The following BAZ2A variants were observed in gnomAD, a reference collection of about 807,000 sequenced individuals.
BAZ2A encodes bromodomain adjacent to zinc finger domain 2A, also known as bromodomain adjacent to zinc finger domain protein 2A.
A neutral mutation model predicts 199.9 loss-of-function variants in BAZ2A; 34 were observed. The observed-to-expected ratio is 0.17, with a 90% CI of 0.13 to 0.23. BAZ2A has a LOEUF of 0.23. Ranked by LOEUF, BAZ2A falls within the 10% of genes least tolerant of loss-of-function variation. The pLI is 1.00. For synonymous variants in BAZ2A, 857 were observed against 883.9 expected (o/e 0.97, Z 0.54); for missense variants, 2,002 against 2,391.1 (o/e 0.84, Z 3.39).
chr12:56,620,563 CT>C (rs11367195), intron 1 of BAZ2A, among the ~76,000 whole-genome samples: 43,973 of 144,226 alleles, frequency 0.3, 6,827 homozygotes, highest in African/African-American at 0.4. Flanking sequence ...CCAGGATTTC[CT>C]TTTTTTTTTT....
chr12:56,609,167 T>A (rs191307995), intron 10 of BAZ2A, among the ~76,000 whole-genome samples: 1 of 152,096 alleles, frequency 6.6e-6, no homozygotes, highest in Non-Finnish European at 1.5e-5. Context: ...TGTGAGACAC[T>A]GTGCCCGGCC....
chr12:56,599,255 C>T lies in BAZ2A; in HGVS notation c.5276G>A (p.Arg1759His), dbSNP rs757732182. The change falls in exon 27 of 29, where the codon CGC becomes CAC. Residue 1759 changes from arginine to histidine, a missense_variant. Arg to His is a conservative substitution (Grantham distance 29). This residue lies in a region of BAZ2A where 122 missense variants were observed against 123.0 expected (regional missense o/e 0.99). Transcript: ENST00000549884. ...TTCTCGGCCCCTCAACAGTACCCGG[C>T]GTCGGCGGCCATCACCCTCTGAGAA... ...LNFSEGDGRR[R>H]RVLLRGRESP... is the part of the protein sequence containing the mutation. The T allele has an allele frequency of 9.9e-6, 16 of 1,613,128 alleles. No individual in the cohort carries two copies. The highest frequency in any genetic ancestry group is 1.1e-5 in the Non-Finnish European group (13 of 1,179,720).
Position 56,635,524 on chromosome 12 carries a change from ACCT to A in BAZ2A, c.4+655_4+657del, listed in dbSNP as rs563271514. 3.8e-4 allele frequency among the ~76,000 whole-genome samples: 58 copies of A among 151,050 alleles called. No individual in the cohort carries two copies. The South Asian group carries it at 0.011, about 29-fold the overall frequency. On this transcript the variant is annotated intron_variant, in intron 1 of 29. Transcript: ENST00000379441. The surrounding 1 kb of genome is among the most constrained non-coding windows in gnomAD (Gnocchi z 4.1). ...GAATCAGGAAGCCACGAAGGCAAAA[ACCT>A]CCTATCCTCTCAACCTCAATCCTGC...
chr12:56,612,183 G>A lies in BAZ2A; in HGVS notation c.1199C>T (p.Ser400Leu). ...CTGGGTCAGGGATGGTGGGAAGTCTGAAGATTGAGTTTCCATTTCTTCCTG... is the reference window on the plus strand; with the variant it reads ...CTGGGTCAGGGATGGTGGGAAGTCTAAAGATTGAGTTTCCATTTCTTCCTG... ...AEQEEMETQS[S>L]DFPPSLTQPA... Residue 400 changes from serine to leucine, a missense_variant, in exon 6 of 29, where the codon TCA (serine) becomes TTA (leucine). Ser to Leu is a moderately radical substitution (Grantham distance 145, BLOSUM62 -2). This residue lies in a region of BAZ2A where 641 missense variants were observed against 694.5 expected (regional missense o/e 0.92). Transcript: ENST00000549884. 1.2e-6 allele frequency: 2 copies of A among 1,613,800 alleles called. No homozygotes were observed. The highest frequency in any genetic ancestry group is 1.7e-6 in the Non-Finnish European group (2 of 1,179,866).
At chr12:56,609,280 T>C (rs1950482022) in intron 10 of BAZ2A, among the ~76,000 whole-genome samples, 1 of 150,578 alleles carries the variant, frequency 6.6e-6, no homozygotes, top group African/African-American at 2.4e-5. Flanking sequence ...GCTCAAGTGA[T>C]CCTCTGCTGC....
intron 28 of BAZ2A, 35 bp from the exon 29 acceptor site, chr12:56,598,818 AG>A (rs1886096561): frequency 6.2e-7 from 1 of 1,609,632 alleles, no homozygotes; most frequent in Non-Finnish European, 8.5e-7. Flanking sequence ...TGAGCTGGGT[AG>A]GAGTTGCAGC....
intron 16 of BAZ2A, among the ~76,000 whole-genome samples, 161 bp downstream of exon 16, chr12:56,604,056 C>G (rs1264261083): frequency 6.6e-6 from 1 of 151,988 alleles, no homozygotes; most frequent in African/African-American, 2.4e-5. Context: ...CATGATAGTG[C>G]CACAAAAGAA....
At chr12:56,608,031 G>A (rs1214803833) in intron 10 of BAZ2A, among the ~76,000 whole-genome samples, 5 of 149,318 alleles carry the variant, frequency 3.3e-5, no homozygotes, top group Admixed American at 6.7e-5. Context: ...CCAAGATCGC[G>A]CCATTGCACT....
At chr12:56,610,753 A>G (rs757891516) in intron 7 of BAZ2A, among the ~76,000 whole-genome samples, 1 of 152,170 alleles carries the variant, frequency 6.6e-6, no homozygotes, top group Non-Finnish European at 1.5e-5. Flanking sequence ...AAGCTCAGAG[A>G]GATCTCCATC....
chr12:56,617,440 G>C lies in BAZ2A; in HGVS notation c.91C>G (p.Leu31Val). 6.2e-7 allele frequency: 1 copy of C among 1,606,280 alleles called. No individual in the cohort carries two copies. Among genetic ancestry groups the C allele is most frequent in the Non-Finnish European group, 8.5e-7 (1 of 1,176,544 alleles). The change falls in exon 2 of 29, where the codon CTC becomes GTC. Residue 31 changes from leucine to valine, a missense_variant. Leu to Val is a conservative substitution (Grantham distance 32). Coordinates refer to ENST00000549884, the MANE Select transcript of BAZ2A (RefSeq NM_001300905.2). ...LKPSPSSGEG[L>V]YTNGSPMNFP... Reference sequence around the variant, plus strand: ...TTCATGGGAGACCCGTTAGTGTAGAGGCCCTCCCCTGAGGAAGGAGAGGGT... The same window carrying C: ...TTCATGGGAGACCCGTTAGTGTAGACGCCCTCCCCTGAGGAAGGAGAGGGT...
intron 10 of BAZ2A, 42 bp downstream of exon 10, chr12:56,609,694 C>A (rs775316628): frequency 5.7e-6 from 9 of 1,574,424 alleles, no homozygotes; most frequent in Non-Finnish European, 7.0e-6. Context: ...TTAGATACCT[C>A]ATGGAGGGAG....
chr12:56,632,526 CG>C (rs1037540428), upstream of BAZ2A, among the ~76,000 whole-genome samples: 3 of 152,136 alleles, frequency 2.0e-5, no homozygotes, highest in African/African-American at 7.2e-5. Context: ...CACTCTGCTC[CG>C]GAAGAGCCGG....
rs767554629 is a variant in BAZ2A at position 56,600,314 on chromosome 12, C to A, written c.4779G>T (p.Gln1593His). The change falls in exon 24 of 29, where the codon CAG (glutamine) becomes CAT (histidine). Residue 1593 changes from glutamine (Q) to histidine (H), a missense_variant. Physicochemically the swap from Gln to His is conservative, Grantham distance 24. This residue lies in a region of BAZ2A where 1,081 missense variants were observed against 1,274.7 expected (regional missense o/e 0.85). Coordinates refer to ENST00000549884, the MANE Select transcript of BAZ2A (RefSeq NM_001300905.2). ...LAVMRLAALE[Q>H]NVERRYLREP... ...CCCGCAGGTACCGCCGTTCTACATT[C>A]TGTTCCAGGGCAGCCAGCCGCATCA... 1.1e-5 allele frequency: 17 copies of A among 1,613,888 alleles called. No individual in the cohort carries two copies. Among genetic ancestry groups the A allele is most frequent in the Non-Finnish European group, 1.4e-5 (17 of 1,179,906 alleles).
intron 1 of BAZ2A, among the ~76,000 whole-genome samples, chr12:56,627,784 C>A (rs1316833552): frequency 2.7e-5 from 4 of 148,794 alleles, no homozygotes; most frequent in African/African-American, 5.0e-5. Context: ...TATGATGGCG[C>A]CACTGCACTC....
intron 19 of BAZ2A, 81 bp from the exon 20 acceptor site, chr12:56,602,273 C>T: frequency 8.1e-7 from 1 of 1,237,216 alleles, no homozygotes. Context: ...AGGACCTATA[C>T]TTTCTTTTTC....
At position 56,616,860 on chromosome 12, in the gene BAZ2A, A is replaced by C. The variant is rs377520325; in HGVS notation, c.136+535T>G. On this transcript the variant is annotated intron_variant, in intron 2 of 28. Coordinates refer to ENST00000549884, the MANE Select transcript of BAZ2A (RefSeq NM_001300905.2). ...TAAGCCAAATCCAGGAAAAGACCCA[A>C]TCCTGGCAGCAACACCTCCATATGG... Among the ~76,000 whole-genome samples, 33 of 152,190 alleles carry C rather than the reference A, an allele frequency of 2.2e-4. No homozygotes were observed. In the East Asian group the frequency reaches 5.8e-3, roughly 27 times the overall value.
At chr12:56,637,540 A>C (rs531296762), upstream of BAZ2A, among the ~76,000 whole-genome samples, 1 of 152,244 alleles carries the variant, frequency 6.6e-6, no homozygotes, top group Non-Finnish European at 1.5e-5. Flanking sequence ...GGAAGTAGTT[A>C]AGTACACTTT....
intron 8 of BAZ2A, 64 bp from the exon 9 acceptor site, chr12:56,610,279 G>C: frequency 6.3e-7 from 1 of 1,594,262 alleles, no homozygotes; most frequent in East Asian, 2.2e-5. Context: ...GGCCAGCAAA[G>C]GCATAAGCAG....
intron 1 of BAZ2A, among the ~76,000 whole-genome samples, chr12:56,623,357 C>T (rs1052589522): frequency 2.6e-5 from 4 of 152,182 alleles, no homozygotes; most frequent in Non-Finnish European, 4.4e-5. Context: ...AGGCTACCCC[C>T]CAGGACAACA....
Sources: gnomAD v4.1 joint callset for allele counts (sites outside exome capture counted in the v4.1 genomes callset) on GRCh38, gnomAD v4.1.1 for gene constraint, gnomAD v4.1.1 regional missense constraint, Gnocchi (gnomAD v3.1) non-coding constraint, MANE v1.5 for transcripts, NCBI Gene and HGNC (gene_info 2026-07-23, HGNC 2026-07-21) for gene names.